The following SP100 variants were observed in gnomAD, a reference collection of about 807,000 sequenced individuals.
The protein encoded by SP100 is nuclear autoantigen Sp-100.
A neutral mutation model predicts 130.0 loss-of-function variants in SP100; 84 were observed. The ratio of observed to expected loss-of-function variants is 0.65; its 90% CI spans 0.54 to 0.77. The LOEUF is 0.77. Ranked by LOEUF, SP100 falls within the 30% of genes least tolerant of loss-of-function variation. SP100 has a pLI of 0.00. For missense variants in SP100, 978 were observed against 1,052.2 expected (o/e 0.93, Z 0.97); for synonymous variants, 331 against 351.7 (o/e 0.94, Z 0.66).
At position 230,464,142 on chromosome 2, in the gene SP100, T is replaced by A. The variant is rs751681199; in HGVS notation, c.1133T>A (p.Ile378Asn). The change falls in exon 11 of 29, where the codon ATT becomes AAT. Residue 378 changes from isoleucine to asparagine, a missense_variant. Transcript: ENST00000340126. Reference protein sequence around the residue: ...GQEATCSRPQIVPEPMDFRKL... With the variant: ...GQEATCSRPQNVPEPMDFRKL... ...GAAGCCACTTGCTCACGACCCCAGATTGTACCAGGTAAGAATATTAGAGTT... is the reference window on the plus strand; with the variant it reads ...GAAGCCACTTGCTCACGACCCCAGAATGTACCAGGTAAGAATATTAGAGTT... 3 of 1,601,120 alleles carry A rather than the reference T, an allele frequency of 1.9e-6. No individual in the cohort carries two copies. Among genetic ancestry groups the A allele is most frequent in the Admixed American group, 1.7e-5 (1 of 59,966 alleles).
intron 1 of SP100, chr2:230,416,957 G>C (rs1001056359): frequency 8.7e-6 from 8 of 919,408 alleles, no homozygotes; most frequent in Non-Finnish European, 1.0e-5. Flanking sequence ...GACCAGAAAA[G>C]AGAAGGAAAT....
intron 25 of SP100, 41 bp from the exon 26 acceptor site, chr2:230,540,835 C>T: frequency 6.3e-7 from 1 of 1,578,996 alleles, no homozygotes; most frequent in Admixed American, 1.7e-5. Context: ...GCGGCTGATT[C>T]ACAGAACCTG....
At chr2:230,530,506 G>A (rs971085131) in intron 24 of SP100, among the ~76,000 whole-genome samples, 9 of 152,126 alleles carry the variant, frequency 5.9e-5, no homozygotes, top group Admixed American at 1.3e-4. Context: ...ATACCATTCA[G>A]GATATAGGCA....
intron 23 of SP100, chr2:230,510,140 T>C (rs1241623444): frequency 6.6e-6 from 1 of 152,638 alleles, no homozygotes; most frequent in Non-Finnish European, 1.5e-5. Flanking sequence ...TGGATCCCAC[T>C]GAGTGGTTTG....
chr2:230,471,311 G>A (rs2065253076), intron 15 of SP100, among the ~76,000 whole-genome samples: 1 of 152,160 alleles, frequency 6.6e-6, no homozygotes, highest in South Asian at 2.1e-4. Flanking sequence ...GCTATGAGGT[G>A]TACTCATTGA....
intron 17 of SP100, among the ~76,000 whole-genome samples, chr2:230,489,913 G>A (rs1294999742): frequency 6.6e-6 from 1 of 152,162 alleles, no homozygotes; most frequent in Non-Finnish European, 1.5e-5. Flanking sequence ...TGCATTTGCT[G>A]AGGAGTATTT....
chr2:230,536,269 G>T (rs971726280), intron 24 of SP100, among the ~76,000 whole-genome samples: 1 of 152,070 alleles, frequency 6.6e-6, no homozygotes, highest in African/African-American at 2.4e-5. Flanking sequence ...ATTTGCCCAC[G>T]ACACTCCTCA....
chr2:230,463,340 A>G (rs956072021), intron 10 of SP100, among the ~76,000 whole-genome samples: 4 of 152,238 alleles, frequency 2.6e-5, no homozygotes, highest in Admixed American at 6.5e-5. Flanking sequence ...CATAAGATTT[A>G]TAACATAAAT....
chr2:230,451,296 C>T (rs188542482), intron 8 of SP100, among the ~76,000 whole-genome samples: 1 of 152,274 alleles, frequency 6.6e-6, no homozygotes, highest in Non-Finnish European at 1.5e-5. Context: ...TCCTCACCAA[C>T]ATTTGTTATC....
chr2:230,508,312 T>A (rs12992775), intron 23 of SP100: 95 of 107,828 alleles, frequency 8.8e-4, no homozygotes, highest in East Asian at 1.8e-3. Flanking sequence ...AATGCCATAC[T>A]TTTTTTTTTT....
intron 17 of SP100, among the ~76,000 whole-genome samples, chr2:230,475,636 T>C (rs913803943): frequency 6.6e-6 from 1 of 152,216 alleles, no homozygotes; most frequent in African/African-American, 2.4e-5. Context: ...GAAGGGTATT[T>C]CCTAGGTTTA....
chr2:230,438,695 T>G (rs1260544394), intron 2 of SP100, among the ~76,000 whole-genome samples: 5 of 142,806 alleles, frequency 3.5e-5, no homozygotes, highest in Non-Finnish European at 7.8e-5. Context: ...ACATATGGTA[T>G]ATATATATGT....
At chr2:230,514,958 G>A (rs1240005661) in intron 24 of SP100, 1 of 1,435,234 alleles carries the variant, frequency 7.0e-7, no homozygotes, top group Non-Finnish European at 9.3e-7. Flanking sequence ...AGATAGTGCT[G>A]GCGCAAGTGA....
At chr2:230,507,507 G>C (rs1690207139) in intron 22 of SP100, 1 of 152,608 alleles carries the variant, frequency 6.6e-6, no homozygotes, top group South Asian at 2.1e-4. Flanking sequence ...AAGGAAGGCT[G>C]TGCTTTCATA....
chr2:230,503,556 T>C (rs548276032), intron 20 of SP100, among the ~76,000 whole-genome samples: 3 of 152,312 alleles, frequency 2.0e-5, no homozygotes, highest in East Asian at 1.9e-4. Flanking sequence ...TATTGATCTA[T>C]TGAAAACACC....
At position 230,449,690 on chromosome 2, in the gene SP100, C is replaced by T; in HGVS notation, c.716C>T (p.Ala239Val). ...LGSQQTNEQC[A>V]QKAEPTESCE... ...AGCCAACAAACAAATGAACAATGTG[C>T]TCAAAAGGCTGAGCCAACAGGTAAG... is the stretch of plus-strand genomic sequence containing the variant. Residue 239 changes from alanine to valine, a missense_variant, in exon 7 of 29, where the codon GCT becomes GTT. Ala to Val is a moderately conservative substitution (Grantham distance 64). Coordinates refer to ENST00000340126, the MANE Select transcript of SP100 (RefSeq NM_001080391.2). 1.2e-6 allele frequency: 2 copies of T among 1,614,122 alleles called. No individual in the cohort carries two copies. Among genetic ancestry groups the T allele is most frequent in the Non-Finnish European group, 1.7e-6 (2 of 1,180,004 alleles).
chr2:230,484,923 A>T (rs1036967027), intron 17 of SP100, among the ~76,000 whole-genome samples: 8 of 151,144 alleles, frequency 5.3e-5, no homozygotes, highest in Admixed American at 5.3e-4. Context: ...AAGGCTATTT[A>T]TTGGTTTGGT....
At chr2:230,542,108 C>G in intron 28 of SP100, 73 bp downstream of exon 28, 1 of 1,471,368 alleles carries the variant, frequency 6.8e-7, no homozygotes, top group Non-Finnish European at 9.5e-7. Flanking sequence ...GTCATCTTTT[C>G]ATGTCAGGTA....
At chr2:230,531,055 G>A (rs759086529) in intron 24 of SP100, among the ~76,000 whole-genome samples, 9 of 152,110 alleles carry the variant, frequency 5.9e-5, no homozygotes, top group South Asian at 2.1e-4. Flanking sequence ...TTGACCCAGC[G>A]ATCCCATTAC....
Sources: gnomAD v4.1 joint callset for allele counts (sites outside exome capture counted in the v4.1 genomes callset) on GRCh38, gnomAD v4.1.1 for gene constraint, MANE v1.5 for transcripts, NCBI Gene and HGNC (gene_info 2026-07-23, HGNC 2026-07-21) for gene names.